PCDHA7: variants seen among roughly 807,000 people sequenced by gnomAD.
PCDHA7 encodes the protein protocadherin alpha 7, also known as protocadherin alpha-7.
Under a neutral mutation model 57.2 loss-of-function variants are expected in PCDHA7, and 37 were observed. That is an observed-to-expected ratio of 0.65 (90% CI 0.50 to 0.85). The LOEUF is 0.85. Ranked by LOEUF, PCDHA7 falls within the 40% of genes least tolerant of loss-of-function variation. PCDHA7 has a pLI of 0.00. For synonymous variants in PCDHA7, 553 were observed against 558.8 expected, an observed-to-expected ratio of 0.99 and a Z score of 0.15; for missense variants, 1,188 against 1,241.8, an observed-to-expected ratio of 0.96 and a Z score of 0.65.
At chr5:140,858,468 G>T in intron 1 of PCDHA7, 1 of 1,521,202 alleles carries the variant, frequency 6.6e-7, no homozygotes, top group Non-Finnish European at 8.9e-7. Context: ...TTCCTTTTGT[G>T]CTTTATGAAT....
rs79215949 is a variant in PCDHA7 at position 140,921,420 on chromosome 5, C to T, written c.2356-57529C>T. Among the ~76,000 whole-genome samples, 1,220 of 152,204 alleles carry T rather than the reference C, an allele frequency of 8.0e-3. 6 individuals carry two copies. The highest frequency in any genetic ancestry group is 0.019 in the African/African-American group (786 of 41,526). On this transcript the variant is annotated intron_variant, in intron 1 of 3. Coordinates refer to ENST00000525929, the MANE Select transcript of PCDHA7 (RefSeq NM_018910.3). Reference sequence around the variant, plus strand: ...ACTAGATTTTCCTCTGTGCTGCAGACAAAAATTTTCTTCAATGGTGTCTGA... The same window carrying T: ...ACTAGATTTTCCTCTGTGCTGCAGATAAAAATTTTCTTCAATGGTGTCTGA...
At chr5:140,864,452 T>C (rs1368510551) in intron 1 of PCDHA7, 1 of 152,266 alleles carries the variant, frequency 6.6e-6, no homozygotes, top group East Asian at 1.9e-4. Context: ...TCATGATCAA[T>C]ATCCATCTTT....
intron 1 of PCDHA7, chr5:140,865,253 G>T (rs782676084): frequency 6.6e-6 from 1 of 152,152 alleles, no homozygotes; most frequent in Non-Finnish European, 1.5e-5. Context: ...TAGCTGTAAG[G>T]ATGTGTATCA....
At chr5:140,908,846 T>A (rs2074185614) in intron 1 of PCDHA7, among the ~76,000 whole-genome samples, 1 of 152,294 alleles carries the variant, frequency 6.6e-6, no homozygotes, top group East Asian at 1.9e-4. Flanking sequence ...TGGAGTAACA[T>A]ACCCAAATGA....
chr5:140,955,813 G>A (rs1428196745), intron 1 of PCDHA7, among the ~76,000 whole-genome samples: 1 of 152,096 alleles, frequency 6.6e-6, no homozygotes, highest in Non-Finnish European at 1.5e-5. Context: ...TGTGTCCACT[G>A]TGATTTCCTT....
rs183542590 is a variant in PCDHA7 at position 140,969,555 on chromosome 5, C to T, written c.2356-9394C>T. On this transcript the variant is annotated intron_variant, in intron 1 of 3. Coordinates refer to ENST00000525929, the MANE Select transcript of PCDHA7 (RefSeq NM_018910.3). ...CATTTTCAGAGGCATGAAGCCTTGT[C>T]CATAAAATTGTTTGAGAAGTGAGGA... The T allele has an allele frequency of 1.2e-5, 15 of 1,213,382 alleles. 1 individual carries two copies. The highest frequency in any genetic ancestry group is 1.7e-5 in the South Asian group (1 of 59,354). The allele number at this position is 1,213,382 out of a possible 1,614,324, so 75.2% of individuals were successfully genotyped here. A position where few individuals can be genotyped will look rare whatever the true frequency, so the allele number is the denominator to read the frequency against.
At chr5:141,001,253 C>T (rs896546841) in intron 3 of PCDHA7, among the ~76,000 whole-genome samples, 22 of 152,078 alleles carry the variant, frequency 1.4e-4, no homozygotes, top group African/African-American at 5.1e-4. Flanking sequence ...CCCTATGGGG[C>T]GGGCACTCTT....
intron 1 of PCDHA7, among the ~76,000 whole-genome samples, chr5:140,941,206 T>TCTTCCTTC (rs201128549): frequency 1.0e-4 from 10 of 95,674 alleles, no homozygotes; most frequent in African/African-American, 3.6e-4. Flanking sequence ...TTTCTTCCTT[T>TCTTCCTTC]CTTTCTTCCT....
chr5:140,850,114 C>T (rs2150468329), intron 1 of PCDHA7: 2 of 1,595,992 alleles, frequency 1.3e-6, no homozygotes, highest in Non-Finnish European at 1.7e-6. Context: ...GCGCGCGACG[C>T]GGGCGTGCCG....
In PCDHA7 at chr5:140,834,368, A is replaced by C. The variant is rs2150215878; in HGVS notation, c.-16A>C. Reference sequence around the variant, plus strand: ...GGCAAGTTTTGCTGACTAGAAAAACAAGCCAATAATTTGAAATGGTGTGCC... The same window carrying C: ...GGCAAGTTTTGCTGACTAGAAAAACCAGCCAATAATTTGAAATGGTGTGCC... On this transcript the variant is annotated 5_prime_UTR_variant, in exon 1 of 4. Coordinates refer to ENST00000525929, the MANE Select transcript of PCDHA7 (RefSeq NM_018910.3). 10 of 1,555,242 alleles carry C rather than the reference A, an allele frequency of 6.4e-6. No individual in the cohort carries two copies. The highest frequency in any genetic ancestry group is 1.4e-5 in the African/African-American group (1 of 72,676).
chr5:141,008,515 A>G (rs1430400139), intron 3 of PCDHA7, among the ~76,000 whole-genome samples: 1 of 152,126 alleles, frequency 6.6e-6, no homozygotes, highest in Non-Finnish European at 1.5e-5. Context: ...GTGTCTTCCA[A>G]TCAGACTCTT....
At chr5:140,848,598 G>A (rs2150413954) in intron 1 of PCDHA7, 3 of 1,593,830 alleles carry the variant, frequency 1.9e-6, no homozygotes, top group East Asian at 2.2e-5. Flanking sequence ...CCACTACTCC[G>A]TCCCGGAGGA....
At position 141,010,067 on chromosome 5, in the gene PCDHA7, G is replaced by C; in HGVS notation, c.*130G>C. 6.2e-7 allele frequency: 1 copy of C among 1,604,516 alleles called. No homozygotes were observed. The highest frequency in any genetic ancestry group is 1.1e-5 in the South Asian group (1 of 89,502). ...TAGAGACCTCAGAAATCTGCAGAAA[G>C]TTCCCTGTGTCTGTCTAGAACGCAT... On this transcript the variant is annotated 3_prime_UTR_variant, in exon 4 of 4. Coordinates refer to ENST00000525929, the MANE Select transcript of PCDHA7 (RefSeq NM_018910.3).
chr5:140,835,644 T>C lies in PCDHA7; in HGVS notation c.1261T>C (p.Tyr421His), dbSNP rs1554135160. ...TCTGGACCGCGAGAGTGTGTCCGCC[T>C]ATGAGCTGGTGGTTACCGCGCGGGA... ...SALDRESVSA[Y>H]ELVVTARDGG... is the part of the protein sequence containing the mutation. Residue 421 changes from tyrosine to histidine, a missense_variant, in exon 1 of 4, where the codon TAT becomes CAT. Around this residue, in one of 3 missense-constraint regions of PCDHA7, gnomAD observed 892 missense variants for 788.5 expected, o/e 1.13. Coordinates refer to ENST00000525929, the MANE Select transcript of PCDHA7 (RefSeq NM_018910.3). 6 of 1,613,948 alleles carry C rather than the reference T, an allele frequency of 3.7e-6. No individual in the cohort carries two copies. The highest frequency in any genetic ancestry group is 4.2e-6 in the Non-Finnish European group (5 of 1,179,878).
intron 1 of PCDHA7, chr5:140,966,522 G>C (rs1350046535): frequency 2.3e-6 from 1 of 437,158 alleles, no homozygotes; most frequent in Non-Finnish European, 4.0e-6. Context: ...GCAGGAAGCC[G>C]AGCCGGGTTG....
At chr5:140,920,889 T>G (rs1488579126) in intron 1 of PCDHA7, among the ~76,000 whole-genome samples, 2 of 150,044 alleles carry the variant, frequency 1.3e-5, no homozygotes, top group African/African-American at 4.9e-5. Context: ...GAACTTAAAG[T>G]CATATTTTGG....
rs2150263016 is a variant in PCDHA7 at position 140,836,530 on chromosome 5, T to A, written c.2147T>A (p.Leu716Gln). The A allele has an allele frequency of 1.1e-5, 18 of 1,613,716 alleles. No homozygotes were observed. Among genetic ancestry groups the A allele is most frequent in the African/African-American group, 4.0e-5 (3 of 74,828 alleles). The change falls in exon 1 of 4, where the codon CTG (leucine) becomes CAG (glutamine). Residue 716 changes from leucine to glutamine, a missense_variant. Leu to Gln is a moderately radical substitution (Grantham distance 113). Coordinates refer to ENST00000525929, the MANE Select transcript of PCDHA7 (RefSeq NM_018910.3). ...TCCAGTCTGTTGGTGCTTACCCTGC[T>A]GCTGTACACGGCGTTGCGGTGCTCA... ...AVSSLLVLTL[L>Q]LYTALRCSAP...
intron 1 of PCDHA7, among the ~76,000 whole-genome samples, chr5:140,897,478 G>T (rs1554187409): frequency 1.3e-5 from 2 of 151,844 alleles, no homozygotes; most frequent in African/African-American, 4.8e-5. Flanking sequence ...TGAGAATGAT[G>T]ATTTCCAATT....
At chr5:141,005,687 G>A (rs1454342103) in intron 3 of PCDHA7, among the ~76,000 whole-genome samples, 3 of 116,164 alleles carry the variant, frequency 2.6e-5, no homozygotes, top group African/African-American at 7.0e-5. Context: ...GGGCGACAGA[G>A]CGAAACTCCG....
Sources: gnomAD v4.1 joint callset for allele counts (sites outside exome capture counted in the v4.1 genomes callset) on GRCh38, gnomAD v4.1.1 for gene constraint, gnomAD v4.1.1 regional missense constraint, MANE v1.5 for transcripts, NCBI Gene and HGNC (gene_info 2026-07-23, HGNC 2026-07-21) for gene names.